Variants in PEX1 observed in about 807,000 individuals in gnomAD.
PEX1 encodes the protein peroxisomal biogenesis factor 1.
Under a neutral mutation model 152.5 loss-of-function variants are expected in PEX1, and 97 were observed. The ratio of observed to expected loss-of-function variants is 0.64; its 90% CI spans 0.54 to 0.75. PEX1 has a LOEUF of 0.75. Ranked by LOEUF, PEX1 falls within the 30% of genes least tolerant of loss-of-function variation. The pLI is 0.00. For missense variants in PEX1, 1,357 were observed against 1,516.3 expected (o/e 0.89, Z 1.74); for synonymous variants, 485 against 531.6 (o/e 0.91, Z 1.21).
At chr7:92,510,147 A>T (rs938318607) in intron 8 of PEX1, among the ~76,000 whole-genome samples, 2 of 151,002 alleles carry the variant, frequency 1.3e-5, no homozygotes, top group African/African-American at 4.9e-5. Context: ...CCATCTCAAA[A>T]AAAAAAAAAA....
rs1476524342 is a variant in PEX1, at chr7:92,503,175, C to G, written c.2092G>C (p.Glu698Gln). Residue 698 changes from glutamate (E) to glutamine (Q), a missense_variant, in exon 13 of 24, where the codon GAG becomes CAG. By Grantham distance (29) the Glu-to-Gln change is conservative. Coordinates refer to ENST00000248633, the MANE Select transcript of PEX1 (RefSeq NM_000466.3). ...ACCAAACTTCCCATGGAGATAAACT[C>G]TTTTATCATATCATTCAAAGCTGGA... ...LAHALNDMIK[E>Q]FISMGSLVAL... is the part of the protein sequence containing the mutation. 1 of 1,613,598 alleles carries G rather than the reference C, an allele frequency of 6.2e-7. No individual in the cohort carries two copies. The highest frequency in any genetic ancestry group is 1.1e-5 in the South Asian group (1 of 91,070).
intron 1 of PEX1, 144 bp downstream of exon 1, chr7:92,528,163 A>G (rs1251876826): frequency 4.8e-6 from 5 of 1,032,074 alleles, no homozygotes; most frequent in Non-Finnish European, 7.1e-6. Flanking sequence ...GACTACCCAG[A>G]AGGGCCCTGC....
intron 23 of PEX1, among the ~76,000 whole-genome samples, chr7:92,488,350 C>T (rs565515064): frequency 6.6e-6 from 1 of 152,196 alleles, no homozygotes; most frequent in South Asian, 2.1e-4. Context: ...ATAGCACTAA[C>T]GTATGTACAC....
Position 92,502,082 on chromosome 7 carries a change from A to G in PEX1, c.2227-3T>C, listed in dbSNP as rs1363890846. 6.3e-7 allele frequency: 1 copy of G among 1,583,236 alleles called. No individual in the cohort carries two copies. Among genetic ancestry groups the G allele is most frequent in the South Asian group, 1.1e-5 (1 of 88,650 alleles). On this transcript the variant is annotated splice_region_variant and splice_polypyrimidine_tract_variant and intron_variant, in intron 13 of 23. Coordinates refer to ENST00000248633, the MANE Select transcript of PEX1 (RefSeq NM_000466.3). ...CACAGAATTTCACATCTTTGTTCCT[A>G]AAGAAAAAAACACAAAATTCGAATT...
At chr7:92,508,343 C>G (rs1792297538) in intron 9 of PEX1, among the ~76,000 whole-genome samples, 1 of 152,000 alleles carries the variant, frequency 6.6e-6, no homozygotes, top group South Asian at 2.1e-4. Flanking sequence ...TTGAGACCAG[C>G]CTGGCCAACA....
Position 92,501,619 on chromosome 7 carries a change from G to A in PEX1, c.2471C>T (p.Ala824Val), listed in dbSNP as rs754259388. The stretch of plus-strand genomic sequence containing the variant: ...ATGCAGGTTGACACTTCGCAAAGAC[G>A]CAGGAAGAAATCCGCGGAGAGCCTT... The part of the protein sequence containing the change: ...FQKALRGFLP[A>V]SLRSVNLHKP... Residue 824 changes from alanine (A) to valine (V), a missense_variant, in exon 15 of 24, where the codon GCG becomes GTG. Coordinates refer to ENST00000248633, the MANE Select transcript of PEX1 (RefSeq NM_000466.3). The A allele has an allele frequency of 1.7e-5, 28 of 1,613,746 alleles. No individual in the cohort carries two copies. In the Middle Eastern group the frequency reaches 6.6e-4, roughly 38 times the overall value.
rs932165929 is a variant in PEX1 at position 92,492,886 on chromosome 7, G to A, written c.3207+67C>T. On this transcript the variant is annotated intron_variant, in intron 20 of 23. Coordinates refer to ENST00000248633, the MANE Select transcript of PEX1 (RefSeq NM_000466.3). ...TTAAAAAATAGCATTTTTTAAGGTGGAAATTTTGACATTGTACTTCTTTTA... is the reference window on the plus strand; with the variant it reads ...TTAAAAAATAGCATTTTTTAAGGTGAAAATTTTGACATTGTACTTCTTTTA... 5 of 1,259,924 alleles carry A rather than the reference G, an allele frequency of 4.0e-6. No homozygotes were observed. In the African/African-American group the frequency reaches 7.4e-5, roughly 19 times the overall value. 78.0% of individuals were successfully genotyped at this position (1,259,924 alleles called of 1,614,324 possible).
At chr7:92,499,283 C>T (rs534493254) in intron 16 of PEX1, among the ~76,000 whole-genome samples, 2 of 152,278 alleles carry the variant, frequency 1.3e-5, no homozygotes, top group South Asian at 4.1e-4. Flanking sequence ...CAACATTATT[C>T]ATAATAGTCA....
intron 6 of PEX1, 66 bp downstream of exon 6, chr7:92,513,782 A>G: frequency 8.2e-7 from 1 of 1,215,318 alleles, no homozygotes; most frequent in South Asian, 1.3e-5. Context: ...TTACTTAGCT[A>G]AAGCAACTAG....
intron 3 of PEX1, 58 bp downstream of exon 3, chr7:92,518,937 T>C: frequency 8.6e-7 from 1 of 1,157,706 alleles, no homozygotes; most frequent in Non-Finnish European, 1.3e-6. Flanking sequence ...GCTAAAGACA[T>C]TGATATTGTG....
chr7:92,494,765 C>A, intron 17 of PEX1, 136 bp from the exon 18 acceptor site: 1 of 444,684 alleles, frequency 2.2e-6, no homozygotes, highest in Non-Finnish European at 3.6e-6. Context: ...TACAACAAAC[C>A]CTTAAAGAAG....
chr7:92,507,184 A>AC (rs1554372840), intron 9 of PEX1, 58 bp from the exon 10 acceptor site: 229 of 1,489,058 alleles, frequency 1.5e-4, no homozygotes, highest in Non-Finnish European at 2.0e-4. Flanking sequence ...AAATTTAGCT[A>AC]TAAAAAAATG....
chr7:92,488,198 A>G (rs1170004494), intron 23 of PEX1, among the ~76,000 whole-genome samples: 2 of 152,246 alleles, frequency 1.3e-5, no homozygotes, highest in Non-Finnish European at 2.9e-5. Context: ...CTATATAGCA[A>G]TATGTACAGA....
At chr7:92,504,149 A>C (rs1792065662) in intron 12 of PEX1, among the ~76,000 whole-genome samples, 1 of 151,704 alleles carries the variant, frequency 6.6e-6, no homozygotes, top group Admixed American at 6.6e-5. Flanking sequence ...CCTCACCCCC[A>C]GTTTAGGTTA....
At chr7:92,491,011 C>A (rs1017808342) in intron 21 of PEX1, among the ~76,000 whole-genome samples, 2 of 152,204 alleles carry the variant, frequency 1.3e-5, no homozygotes, top group East Asian at 1.9e-4. Flanking sequence ...TTTAAAGCCA[C>A]TAGGTAAGAG....
chr7:92,508,822 T>G (rs1030468179), intron 9 of PEX1, among the ~76,000 whole-genome samples: 5 of 152,136 alleles, frequency 3.3e-5, no homozygotes, highest in Non-Finnish European at 7.4e-5. Context: ...TTTTAAATAT[T>G]TGTTTTAAAA....
rs12386703 is a variant in PEX1, at chr7:92,528,488, G to C, written c.-53C>G. ...CCACCCTAGCGCCGCAAAGGACCCGGGACCCGGCAGGCCGAGGACGTCGGA... is the reference window on the plus strand; with the variant it reads ...CCACCCTAGCGCCGCAAAGGACCCGCGACCCGGCAGGCCGAGGACGTCGGA... On this transcript the variant is annotated 5_prime_UTR_variant, in exon 1 of 24. Coordinates refer to ENST00000248633, the MANE Select transcript of PEX1 (RefSeq NM_000466.3). The C allele has an allele frequency of 0.079, 119,132 of 1,510,668 alleles. 4,983 individuals carry two copies. Among genetic ancestry groups the C allele is most frequent in the Non-Finnish European group, 0.081 (92,026 of 1,129,710 alleles). The allele number at this position is 1,510,668 out of a possible 1,614,324, so 93.6% of individuals were successfully genotyped here. A position where few individuals can be genotyped will look rare whatever the true frequency, so the allele number is the denominator to read the frequency against.
chr7:92,514,201 G>A (rs892546906), intron 5 of PEX1, among the ~76,000 whole-genome samples: 1 of 152,066 alleles, frequency 6.6e-6, no homozygotes, highest in African/African-American at 2.4e-5. Context: ...ATAAGAGCAC[G>A]AATCCCATTC....
chr7:92,489,226 G>C, intron 23 of PEX1, 67 bp downstream of exon 23: 5 of 1,338,110 alleles, frequency 3.7e-6, no homozygotes, highest in Non-Finnish European at 4.3e-6. Flanking sequence ...GAACTTTAAA[G>C]GTTTAAGTGT....
Sources: gnomAD v4.1 joint callset for allele counts (sites outside exome capture counted in the v4.1 genomes callset) on GRCh38, gnomAD v4.1.1 for gene constraint, MANE v1.5 for transcripts, NCBI Gene and HGNC (gene_info 2026-07-23, HGNC 2026-07-21) for gene names.